HMG20A: variants seen among roughly 807,000 people sequenced by gnomAD.
HMG20A encodes the protein high mobility group protein 20A.
A neutral mutation model predicts 43.9 loss-of-function variants in HMG20A; 17 were observed. The observed-to-expected ratio is 0.39, with a 90% CI of 0.27 to 0.58. The LOEUF (loss-of-function observed/expected upper bound fraction) is 0.58, where lower values mean the gene tolerates loss of function less well. HMG20A is among the 20% of genes least tolerant of loss of function. HMG20A has a pLI of 0.59. For synonymous variants in HMG20A, 132 were observed against 147.5 expected, an observed-to-expected ratio of 0.89 and a Z score of 0.76; for missense variants, 341 against 438.2, an observed-to-expected ratio of 0.78 and a Z score of 1.98.
chr15:77,471,653 G>A (rs2072809517), intron 5 of HMG20A, 130 bp from the exon 6 acceptor site: 1 of 654,984 alleles, frequency 1.5e-6, no homozygotes, highest in South Asian at 1.8e-5. Flanking sequence ...AAAGCCTTAA[G>A]GAAAAATATC....
the HMG20A span, among the ~76,000 whole-genome samples, chr15:77,501,437 C>T: frequency 6.6e-6 from 1 of 152,216 alleles, no homozygotes; most frequent in Non-Finnish European, 1.5e-5. Flanking sequence ...ACTCCTCTCC[C>T]TCGGCTTCTG....
the HMG20A span, among the ~76,000 whole-genome samples, chr15:77,502,234 G>C: frequency 6.6e-6 from 1 of 152,214 alleles, no homozygotes; most frequent in African/African-American, 2.4e-5. Flanking sequence ...CAAAGGCAGA[G>C]CTGAGTCGTT....
chr15:77,439,384 TTCAGTCATTACCTTC>T (rs1307514209), intron 1 of HMG20A, among the ~76,000 whole-genome samples: 2 of 152,234 alleles, frequency 1.3e-5, no homozygotes, highest in African/African-American at 4.8e-5. Context: ...TAGGAGGCTC[TTCAGTCATTACCTTC>T]TCTCTCCCCA....
chr15:77,453,293 A>C (rs1374391614), intron 1 of HMG20A, among the ~76,000 whole-genome samples: 1 of 152,224 alleles, frequency 6.6e-6, no homozygotes, highest in Non-Finnish European at 1.5e-5. Flanking sequence ...AGTTCTCCAA[A>C]ACAGATAAAC....
chr15:77,454,153 C>T (rs865850321), intron 1 of HMG20A, among the ~76,000 whole-genome samples: 2 of 149,746 alleles, frequency 1.3e-5, no homozygotes, highest in Non-Finnish European at 3.0e-5. Context: ...CGGAGCAGGA[C>T]CCTGTCTCTT....
the HMG20A span, among the ~76,000 whole-genome samples, chr15:77,504,059 G>A: frequency 6.6e-6 from 1 of 152,218 alleles, no homozygotes; most frequent in African/African-American, 2.4e-5. Flanking sequence ...GGATCTGGAG[G>A]AGATTTGATA....
the HMG20A span, among the ~76,000 whole-genome samples, chr15:77,507,722 T>C: frequency 6.6e-6 from 1 of 152,136 alleles, no homozygotes; most frequent in African/African-American, 2.4e-5. Context: ...AGCACAAAAA[T>C]GTCCAGGTAT....
chr15:77,436,519 C>A (rs1037415764), intron 1 of HMG20A, among the ~76,000 whole-genome samples: 1 of 151,784 alleles, frequency 6.6e-6, no homozygotes, highest in Non-Finnish European at 1.5e-5. Flanking sequence ...AGTGCAGTGG[C>A]ATGTTCTCGG....
intron 1 of HMG20A, chr15:77,458,134 T>C (rs2072672821): frequency 3.6e-6 from 1 of 279,850 alleles, no homozygotes; most frequent in African/African-American, 2.3e-5. Flanking sequence ...GAAGATACTC[T>C]GGATAAATAA....
At chr15:77,489,784 G>A (rs2072963344), downstream of HMG20A, among the ~76,000 whole-genome samples, 1 of 152,214 alleles carries the variant, frequency 6.6e-6, no homozygotes, top group African/African-American at 2.4e-5. Flanking sequence ...ATGAACTCTG[G>A]AATTTCAAGG....
chr15:77,428,689 C>G (rs1349738414), intron 1 of HMG20A, among the ~76,000 whole-genome samples: 1 of 152,100 alleles, frequency 6.6e-6, no homozygotes, highest in Non-Finnish European at 1.5e-5. Context: ...GGACTCTAGG[C>G]TGGGTGTGGT....
At position 77,421,016 on chromosome 15, in the gene HMG20A, A is replaced by G. The variant is rs1177434529; in HGVS notation, c.-5+12A>G. 2 of 398,692 alleles carry G rather than the reference A, an allele frequency of 5.0e-6. No individual in the cohort carries two copies. Among genetic ancestry groups the G allele is most frequent in the Non-Finnish European group, 8.8e-6 (2 of 226,242 alleles). 24.7% of individuals were successfully genotyped at this position (398,692 alleles called of 1,614,324 possible). A position where few individuals can be genotyped will look rare whatever the true frequency, so the allele number is the denominator to read the frequency against. On this transcript the variant is annotated intron_variant, in intron 1 of 9. Transcript: ENST00000336216. ...CCTGTCGTCAGCAGGTCAGTAAGCA[A>G]GGCGAGCTTGGGGGTGGCCCCAGTC...
At chr15:77,505,258 A>G in the HMG20A span, among the ~76,000 whole-genome samples, 1 of 152,206 alleles carries the variant, frequency 6.6e-6, no homozygotes, top group African/African-American at 2.4e-5. Context: ...CCTCATCGAC[A>G]AGGCTGAAGC....
At chr15:77,506,246 G>A in the HMG20A span, among the ~76,000 whole-genome samples, 4 of 151,840 alleles carry the variant, frequency 2.6e-5, no homozygotes, top group African/African-American at 9.7e-5. Context: ...ATCCCACCCC[G>A]ATCCCAGCCA....
At chr15:77,487,443 C>G (rs962274287), downstream of HMG20A, among the ~76,000 whole-genome samples, 1 of 152,172 alleles carries the variant, frequency 6.6e-6, no homozygotes, top group Non-Finnish European at 1.5e-5. Context: ...TGAGAATGAC[C>G]ATGTACTTCC....
At chr15:77,506,393 G>T in the HMG20A span, among the ~76,000 whole-genome samples, 2 of 152,106 alleles carry the variant, frequency 1.3e-5, no homozygotes, top group African/African-American at 2.4e-5. Context: ...CGATGAAGCC[G>T]CCGATGCCCC....
chr15:77,492,701 C>A, the HMG20A span, among the ~76,000 whole-genome samples: 1 of 151,904 alleles, frequency 6.6e-6, no homozygotes, highest in Non-Finnish European at 1.5e-5. Flanking sequence ...CTCCAAGATA[C>A]TTGGGGGGCT....
downstream of HMG20A, among the ~76,000 whole-genome samples, chr15:77,487,492 A>G (rs2072951703): frequency 6.6e-6 from 1 of 152,038 alleles, no homozygotes; most frequent in African/African-American, 2.4e-5. Context: ...AAAGCCAAAA[A>G]CTGGCTTCCA....
chr15:77,497,256 C>A, the HMG20A span, among the ~76,000 whole-genome samples: 1 of 152,246 alleles, frequency 6.6e-6, no homozygotes, highest in Non-Finnish European at 1.5e-5. Flanking sequence ...ATCTGCTGGT[C>A]CCGTTCCCGA....
Sources: allele counts gnomAD v4.1 joint callset (sites outside exome capture counted in the v4.1 genomes callset), GRCh38; gene constraint gnomAD v4.1.1; transcripts MANE v1.5; gene names NCBI Gene and HGNC (gene_info 2026-07-23, HGNC 2026-07-21).